IMMP2L: variants seen among roughly 807,000 people sequenced by gnomAD.
IMMP2L encodes inner mitochondrial membrane peptidase subunit 2.
A neutral mutation model predicts 19.3 loss-of-function variants in IMMP2L; 18 were observed. That is an observed-to-expected ratio of 0.93 (90% CI 0.64 to 1.38). The LOEUF (loss-of-function observed/expected upper bound fraction) is 1.38, where lower values mean the gene tolerates loss of function less well. Ranked by LOEUF, IMMP2L falls within the 40% of genes most tolerant of loss-of-function variation. The probability of loss-of-function intolerance (pLI) is 0.00; values close to 1 mark genes in which losing one functional copy is unlikely to be tolerated. For synonymous variants in IMMP2L, 76 were observed against 73.0 expected, an observed-to-expected ratio of 1.04 and a Z score of -0.21; for missense variants, 233 against 218.2, an observed-to-expected ratio of 1.07 and a Z score of -0.43.
At position 110,758,170 on chromosome 7, in the gene IMMP2L, T is replaced by C. The variant is rs1798141373; in HGVS notation, c.409-94449A>G. On this transcript the variant is annotated intron_variant, in intron 5 of 5. Coordinates refer to ENST00000405709, the MANE Select transcript of IMMP2L (RefSeq NM_032549.4). This position sits in a 1 kb window ranked among gnomAD's most constrained non-coding sequence, Gnocchi z 4.6. ...AAGATGAGGATGAAGAATGGATAAGTGAAGTTAGCCTCTTGGAGTCATTAT... is the reference window on the plus strand; with the variant it reads ...AAGATGAGGATGAAGAATGGATAAGCGAAGTTAGCCTCTTGGAGTCATTAT... Among the ~76,000 whole-genome samples, 2 of 151,986 alleles carry C rather than the reference T, an allele frequency of 1.3e-5. No homozygotes were observed. Among genetic ancestry groups the C allele is most frequent in the Admixed American group, 1.3e-4 (2 of 15,222 alleles).
At chr7:111,058,047 C>A (rs1793675035) in intron 3 of IMMP2L, among the ~76,000 whole-genome samples, 1 of 152,134 alleles carries the variant, frequency 6.6e-6, no homozygotes, top group Non-Finnish European at 1.5e-5. Flanking sequence ...AAGGCCTGAG[C>A]TAACATTTCC....
intron 3 of IMMP2L, among the ~76,000 whole-genome samples, chr7:111,143,811 T>C (rs1486170822): frequency 2.0e-5 from 3 of 152,156 alleles, no homozygotes; most frequent in Non-Finnish European, 4.4e-5. Context: ...TCATTTTAAA[T>C]AATAACACTA....
At chr7:111,177,573 C>G (rs1249482506) in intron 3 of IMMP2L, among the ~76,000 whole-genome samples, 2 of 152,016 alleles carry the variant, frequency 1.3e-5, no homozygotes, top group African/African-American at 2.4e-5. Context: ...AATTTAAAAA[C>G]TGTATCAACT....
intron 3 of IMMP2L, among the ~76,000 whole-genome samples, chr7:111,016,426 CATT>C (rs1390360269): frequency 1.5e-5 from 2 of 129,758 alleles, no homozygotes; most frequent in East Asian, 2.1e-4. Context: ...ATATATTTTA[CATT>C]ATATTTCAGA....
rs1031080681 is a variant in IMMP2L, at chr7:110,758,755, G to A, written c.409-95034C>T. On this transcript the variant is annotated intron_variant, in intron 5 of 5. Transcript: ENST00000405709. This position sits in a 1 kb window ranked among gnomAD's most constrained non-coding sequence, Gnocchi z 4.6. ...CCCCAGACAAAAACATCCAACCTTT[G>A]TGAGACTTAGTTTGCCTTTAATTAT... is the stretch of plus-strand genomic sequence containing the variant. 6.6e-6 allele frequency among the ~76,000 whole-genome samples: 1 copy of A among 152,060 alleles called. No individual in the cohort carries two copies. The highest frequency in any genetic ancestry group is 1.5e-5 in the Non-Finnish European group (1 of 68,010).
chr7:111,038,026 T>C (rs1410917933), intron 3 of IMMP2L, among the ~76,000 whole-genome samples: 1 of 152,188 alleles, frequency 6.6e-6, no homozygotes, highest in Admixed American at 6.5e-5. Flanking sequence ...GTGTGATTGA[T>C]AGATACTATT....
chr7:110,682,737 T>C (rs1792815589), intron 5 of IMMP2L, among the ~76,000 whole-genome samples: 1 of 152,058 alleles, frequency 6.6e-6, no homozygotes, highest in Non-Finnish European at 1.5e-5. Context: ...TGGTTGAAAA[T>C]TCTGTGCAAG....
intron 2 of IMMP2L, among the ~76,000 whole-genome samples, chr7:111,499,989 GC>G (rs1211034297): frequency 6.6e-6 from 1 of 152,182 alleles, no homozygotes; most frequent in Non-Finnish European, 1.5e-5. Context: ...CCAGGCACAA[GC>G]CAAAGCAGGG....
intron 3 of IMMP2L, among the ~76,000 whole-genome samples, chr7:111,148,489 C>T (rs1407998857): frequency 4.0e-5 from 6 of 151,876 alleles, no homozygotes; most frequent in East Asian, 1.9e-4. Context: ...GAATTACGTA[C>T]ATTAAAAGTG....
intron 5 of IMMP2L, among the ~76,000 whole-genome samples, chr7:110,825,833 G>A (rs370937145): frequency 5.7e-4 from 86 of 151,900 alleles, no homozygotes; most frequent in Non-Finnish European, 9.4e-4. Flanking sequence ...CAAAATTGAC[G>A]AATGGGATCT....
At chr7:111,115,636 A>ATTTTTTATTTT (rs1799793603) in intron 3 of IMMP2L, among the ~76,000 whole-genome samples, 1 of 151,568 alleles carries the variant, frequency 6.6e-6, no homozygotes, top group African/African-American at 2.4e-5. Flanking sequence ...GACATTTGCA[A>ATTTTTTATTTT]TTATTTTTTA....
chr7:110,916,417 G>A (rs1813619705), intron 4 of IMMP2L, among the ~76,000 whole-genome samples: 1 of 152,176 alleles, frequency 6.6e-6, no homozygotes. Flanking sequence ...CAACTCTTTT[G>A]TGCTACTACA....
In IMMP2L at chr7:111,123,112, A is replaced by G; in HGVS notation, c.240-159547T>C. ...TTCAGTCACCAATATTAATGTAAAA[A>G]AGATGCCTCAGCTCCTTTCTGTGTA... On this transcript the variant is annotated intron_variant, in intron 3 of 5. Coordinates refer to ENST00000405709, the MANE Select transcript of IMMP2L (RefSeq NM_032549.4). This position sits in a 1 kb window ranked among gnomAD's most constrained non-coding sequence, Gnocchi z 6.4. 6.2e-7 allele frequency: 1 copy of G among 1,613,768 alleles called. No individual in the cohort carries two copies. The highest frequency in any genetic ancestry group is 8.5e-7 in the Non-Finnish European group (1 of 1,179,894).
chr7:111,123,792 G>A lies in IMMP2L; in HGVS notation c.240-160227C>T, dbSNP rs758622443. Reference sequence around the variant, plus strand: ...GACTCCCCAAGCTGGAATCACTCATGCTGAACAGCAATGCTCTCAGTGCCC... The same window carrying A: ...GACTCCCCAAGCTGGAATCACTCATACTGAACAGCAATGCTCTCAGTGCCC... On this transcript the variant is annotated intron_variant, in intron 3 of 5. Coordinates refer to ENST00000405709, the MANE Select transcript of IMMP2L (RefSeq NM_032549.4). This position sits in a 1 kb window ranked among gnomAD's most constrained non-coding sequence, Gnocchi z 6.4. The A allele has an allele frequency of 1.3e-5, 21 of 1,614,006 alleles. No homozygotes were observed. The highest frequency in any genetic ancestry group is 2.2e-5 in the East Asian group (1 of 44,862).
At chr7:111,114,133 T>TAC (rs71151831) in intron 3 of IMMP2L, among the ~76,000 whole-genome samples, 9,068 of 146,616 alleles carry the variant, frequency 0.062, 538 homozygotes, top group East Asian at 0.25. Flanking sequence ...CACATAAATC[T>TAC]ACACACACAC....
At chr7:111,078,848 A>T (rs1795636393) in intron 3 of IMMP2L, among the ~76,000 whole-genome samples, 1 of 152,108 alleles carries the variant, frequency 6.6e-6, no homozygotes, top group Non-Finnish European at 1.5e-5. Flanking sequence ...CTCCTGCCTC[A>T]GCCTCTGGGT....
At position 111,238,733 on chromosome 7, in the gene IMMP2L, T is replaced by C. The variant is rs145609118; in HGVS notation, c.239+248505A>G. ...AACACACACTTGTTACATAGAAAAA[T>C]AGTTCTAATATTTTTTGATAATTTG... On this transcript the variant is annotated intron_variant, in intron 3 of 5. Coordinates refer to ENST00000405709, the MANE Select transcript of IMMP2L (RefSeq NM_032549.4). Among the ~76,000 whole-genome samples, 22 of 151,960 alleles carry C rather than the reference T, an allele frequency of 1.4e-4. No individual in the cohort carries two copies. In the East Asian group the frequency reaches 3.1e-3, roughly 21 times the overall value.
At chr7:111,068,075 C>T (rs1306030853) in intron 3 of IMMP2L, among the ~76,000 whole-genome samples, 2 of 151,922 alleles carry the variant, frequency 1.3e-5, no homozygotes, top group Non-Finnish European at 2.9e-5. Context: ...AAATCATAAA[C>T]CATTTTGCAC....
At chr7:111,158,451 G>C (rs1266129223) in intron 3 of IMMP2L, among the ~76,000 whole-genome samples, 1 of 152,052 alleles carries the variant, frequency 6.6e-6, no homozygotes, top group African/African-American at 2.4e-5. Flanking sequence ...CATACAGAAA[G>C]TAGTGACAAT....
Sources: allele counts gnomAD v4.1 joint callset (sites outside exome capture counted in the v4.1 genomes callset), GRCh38; gene constraint gnomAD v4.1.1; non-coding constraint Gnocchi (gnomAD v3.1); transcripts MANE v1.5; gene names NCBI Gene and HGNC (gene_info 2026-07-23, HGNC 2026-07-21).